The following TET1 variants were observed in gnomAD, a reference collection of about 807,000 sequenced individuals.
The protein encoded by TET1 is tet methylcytosine dioxygenase 1.
Under a neutral mutation model 148.7 loss-of-function variants are expected in TET1, and 13 were observed. The ratio of observed to expected loss-of-function variants is 0.09; its 90% CI spans 0.06 to 0.14. TET1 has a LOEUF of 0.14. Ranked by LOEUF, TET1 falls within the 10% of genes least tolerant of loss-of-function variation. The pLI is 1.00. For missense variants in TET1, 2,182 were observed against 2,553.8 expected (o/e 0.85, Z 3.14); for synonymous variants, 907 against 937.2 (o/e 0.97, Z 0.59).
chr10:68,595,991 C>T lies in TET1; in HGVS notation c.1915-4990C>T, dbSNP rs1367286442. Among the ~76,000 whole-genome samples the T allele has an allele frequency of 4.5e-4, 27 of 60,050 alleles. 1 individual carries two copies. Among genetic ancestry groups the T allele is most frequent in the African/African-American group, 1.3e-3 (22 of 16,454 alleles). 39.4% of individuals were successfully genotyped at this position (60,050 alleles called of 152,430 possible). On this transcript the variant is annotated intron_variant, in intron 2 of 11. Transcript: ENST00000373644. ...ACACACACACACATATATACACACACACACACACACACACACACACACACA... is the reference window on the plus strand; with the variant it reads ...ACACACACACACATATATACACACATACACACACACACACACACACACACA...
At chr10:68,566,460 C>G (rs2053608479) in intron 1 of TET1, among the ~76,000 whole-genome samples, 1 of 150,028 alleles carries the variant, frequency 6.7e-6, no homozygotes, top group Admixed American at 6.7e-5. Flanking sequence ...TTCTCACAGC[C>G]AAAGACTGAA....
chr10:68,594,799 T>C (rs906373741), intron 2 of TET1, among the ~76,000 whole-genome samples: 12 of 151,848 alleles, frequency 7.9e-5, no homozygotes, highest in Admixed American at 7.9e-4. Context: ...GCCAACATAG[T>C]GAAACCCTAA....
rs1254340318 is a variant in TET1, at chr10:68,565,497, T to TATATGC, written c.-123+4757_-123+4758insATGCAT. Among the ~76,000 whole-genome samples the TATATGC allele has an allele frequency of 3.0e-5, 3 of 100,326 alleles. No homozygotes were observed. In the East Asian group the frequency reaches 8.6e-4, roughly 29 times the overall value. The allele number at this position is 100,326 out of a possible 152,430, so 65.8% of individuals were successfully genotyped here. On this transcript the variant is annotated intron_variant, in intron 1 of 11. Coordinates refer to ENST00000373644, the MANE Select transcript of TET1 (RefSeq NM_030625.3). ...AAAAATATATATATATATATATATATATGCACACAGACACACACACATTTT... is the reference window on the plus strand; with the variant it reads ...AAAAATATATATATATATATATATATATATGCATGCACACAGACACACACACATTTT...
chr10:68,563,224 G>A (rs1400276201), intron 1 of TET1, among the ~76,000 whole-genome samples: 2 of 152,074 alleles, frequency 1.3e-5, no homozygotes, highest in South Asian at 2.1e-4. Context: ...TAAATGTGCT[G>A]GCATTCTAGT....
In TET1 at chr10:68,651,840, C is replaced by T; in HGVS notation, c.4277-6C>T. ...TTTGGGTCTAATAATCTTATTCCTT[C>T]CACAGATCGAGTTATACAAAAAGAC... On this transcript the variant is annotated splice_polypyrimidine_tract_variant and splice_region_variant and intron_variant, in intron 4 of 11. Coordinates refer to ENST00000373644, the MANE Select transcript of TET1 (RefSeq NM_030625.3). The T allele has an allele frequency of 1.2e-6, 2 of 1,608,224 alleles. No individual in the cohort carries two copies. Among genetic ancestry groups the T allele is most frequent in the South Asian group, 2.2e-5 (2 of 90,122 alleles).
At chr10:68,610,453 T>C (rs2054190864) in intron 3 of TET1, among the ~76,000 whole-genome samples, 1 of 151,734 alleles carries the variant, frequency 6.6e-6, no homozygotes, top group Non-Finnish European at 1.5e-5. Context: ...TAGCCAGGCA[T>C]GGTGGTGGTT....
chr10:68,607,787 AAT>A (rs1026466735), intron 3 of TET1, among the ~76,000 whole-genome samples: 30 of 148,036 alleles, frequency 2.0e-4, no homozygotes, highest in African/African-American at 7.1e-4. Flanking sequence ...TATATATATG[AAT>A]ATATATATTC....
At position 68,573,186 on chromosome 10, in the gene TET1, C is replaced by G. The variant is rs2053690613; in HGVS notation, c.848C>G (p.Ser283Cys). The G allele has an allele frequency of 6.2e-7, 1 of 1,614,120 alleles. No homozygotes were observed. Among genetic ancestry groups the G allele is most frequent in the Non-Finnish European group, 8.5e-7 (1 of 1,180,022 alleles). ...LGSRVESLKL[S>C]DSYLDPIKSE... is the part of the protein sequence containing the mutation. ...TCACGAGTAGAATCTCTTAAGTTATCTGATTCTTACCTGGATCCCATTAAA... is the reference window on the plus strand; with the variant it reads ...TCACGAGTAGAATCTCTTAAGTTATGTGATTCTTACCTGGATCCCATTAAA... The change falls in exon 2 of 12, where the codon TCT becomes TGT. Residue 283 changes from serine (S) to cysteine (C), a missense_variant. By Grantham distance (112) the Ser-to-Cys change is moderately radical. Transcript: ENST00000373644.
intron 3 of TET1, among the ~76,000 whole-genome samples, chr10:68,615,356 C>CCTTTTTTTTTTT (rs2054275038): frequency 6.9e-6 from 1 of 145,280 alleles, no homozygotes. Flanking sequence ...CTTTTCTTTT[C>CCTTTTTTTTTTT]TTTTTTTGAG....
intron 4 of TET1, among the ~76,000 whole-genome samples, chr10:68,649,972 A>C (rs2054907568): frequency 6.6e-6 from 1 of 152,218 alleles, no homozygotes; most frequent in South Asian, 2.1e-4. Context: ...TTACTTACCC[A>C]GTCACTTTTT....
intron 4 of TET1, among the ~76,000 whole-genome samples, chr10:68,650,455 C>T (rs1211595600): frequency 6.6e-6 from 1 of 151,900 alleles, no homozygotes; most frequent in Non-Finnish European, 1.5e-5. Context: ...CCAGCCTGGC[C>T]AACATGGTGA....
chr10:68,645,102 T>C lies in TET1; in HGVS notation c.2373T>C (p.Tyr791=), dbSNP rs1438258182. 2 of 1,611,856 alleles carry C rather than the reference T, an allele frequency of 1.2e-6. No individual in the cohort carries two copies. The highest frequency in any genetic ancestry group is 1.3e-5 in the African/African-American group (1 of 74,812). The change falls in exon 4 of 12, where the codon TAT becomes TAC. Residue 791 remains tyrosine (Y), a synonymous_variant. Transcript: ENST00000373644. ...GCAAGACATTGGAAAACAATTCTTA[T>C]AAATTCCTAAAAGACACTGCAAACC... is the stretch of plus-strand genomic sequence containing the variant. ...EFGKTLENNS[Y]KFLKDTANHK...
chr10:68,688,118 T>A (rs2055540070), intron 11 of TET1, among the ~76,000 whole-genome samples: 1 of 151,884 alleles, frequency 6.6e-6, no homozygotes, highest in African/African-American at 2.4e-5. Flanking sequence ...ATATTTTGAG[T>A]CAGAGTCTCA....
chr10:68,683,602 T>C (rs755665609), intron 10 of TET1, among the ~76,000 whole-genome samples: 66 of 151,726 alleles, frequency 4.3e-4, no homozygotes, highest in African/African-American at 1.3e-3. Flanking sequence ...TTAGTAGAGA[T>C]GGGGTTTCAC....
chr10:68,677,302 T>C (rs1391607149), intron 8 of TET1, among the ~76,000 whole-genome samples: 1 of 152,182 alleles, frequency 6.6e-6, no homozygotes, highest in Non-Finnish European at 1.5e-5. Flanking sequence ...ATCCACCCTA[T>C]AGTCCTGATT....
At chr10:68,635,935 G>T (rs2054644001) in intron 3 of TET1, among the ~76,000 whole-genome samples, 1 of 152,238 alleles carries the variant, frequency 6.6e-6, no homozygotes, top group Non-Finnish European at 1.5e-5. Context: ...CTACATTTTA[G>T]AGAGTTTTAA....
rs2053687790 is a variant in TET1 at position 68,572,975 on chromosome 10, A to C, written c.637A>C (p.Ile213Leu). The change falls in exon 2 of 12, where the codon ATC becomes CTC. Residue 213 changes from isoleucine to leucine, a missense_variant. Transcript: ENST00000373644. The part of the protein sequence containing the change: ...IPTHSGPAAE[I>L]LPGPLEGTRC... ...TACCCACAGTGGCCCTGCAGCTGAGATCCTTCCTGGGCCACTGGAAGGGAC... is the reference window on the plus strand; with the variant it reads ...TACCCACAGTGGCCCTGCAGCTGAGCTCCTTCCTGGGCCACTGGAAGGGAC... 1.4e-5 allele frequency: 23 copies of C among 1,614,112 alleles called. No homozygotes were observed. Among genetic ancestry groups the C allele is most frequent in the Non-Finnish European group, 1.9e-5 (23 of 1,180,030 alleles).
intron 7 of TET1, among the ~76,000 whole-genome samples, chr10:68,672,331 T>TA (rs1699564244): frequency 6.6e-6 from 1 of 150,526 alleles, no homozygotes; most frequent in Non-Finnish European, 1.5e-5. Flanking sequence ...CTACTAAAAA[T>TA]AAAAAAATTA....
intron 11 of TET1, among the ~76,000 whole-genome samples, chr10:68,689,507 C>T (rs1158888530): frequency 6.6e-6 from 1 of 151,710 alleles, no homozygotes; most frequent in South Asian, 2.1e-4. Context: ...TCAAGACCAT[C>T]CTGGTCAACA....
Sources: gnomAD v4.1 joint callset for allele counts (sites outside exome capture counted in the v4.1 genomes callset) on GRCh38, gnomAD v4.1.1 for gene constraint, MANE v1.5 for transcripts, NCBI Gene and HGNC (gene_info 2026-07-23, HGNC 2026-07-21) for gene names.